The following SIPA1L1 variants were observed in gnomAD, a reference collection of about 807,000 sequenced individuals.
The protein encoded by SIPA1L1 is signal-induced proliferation-associated 1-like protein 1.
Under a neutral mutation model 162.7 loss-of-function variants are expected in SIPA1L1, and 26 were observed. That is an observed-to-expected ratio of 0.16 (90% CI 0.12 to 0.22). SIPA1L1 has a LOEUF of 0.22. Among genes scored for constraint, SIPA1L1 ranks in the 10% least tolerant of loss-of-function variants. SIPA1L1 has a pLI of 1.00. For missense variants in SIPA1L1, 1,874 were observed against 2,241.0 expected (o/e 0.84, Z 3.31); for synonymous variants, 829 against 837.4 (o/e 0.99, Z 0.17).
chr14:71,492,794 T>A (rs2143007929), intron 2 of SIPA1L1, among the ~76,000 whole-genome samples: 1 of 152,010 alleles, frequency 6.6e-6, no homozygotes, highest in East Asian at 1.9e-4. Context: ...CTAGATTTTT[T>A]TTTTTTTTTT....
At chr14:71,676,383 C>CCAAACTA (rs2045181851) in intron 12 of SIPA1L1, among the ~76,000 whole-genome samples, 1 of 151,698 alleles carries the variant, frequency 6.6e-6, no homozygotes, top group African/African-American at 2.4e-5. Context: ...TGAATCGTTT[C>CCAAACTA]CAAACTACAA....
chr14:71,386,357 T>C (rs1457079806), intron 2 of SIPA1L1, among the ~76,000 whole-genome samples: 1 of 152,178 alleles, frequency 6.6e-6, no homozygotes, highest in Non-Finnish European at 1.5e-5. Context: ...TGCCTGCTTT[T>C]ATTCTGGCTG....
At chr14:71,533,473 G>T (rs1391712252) in intron 4 of SIPA1L1, among the ~76,000 whole-genome samples, 1 of 152,218 alleles carries the variant, frequency 6.6e-6, no homozygotes, top group East Asian at 1.9e-4. Flanking sequence ...AACTTGTAAT[G>T]TGAGTTGGCT....
At chr14:71,622,524 G>A (rs559126999) in intron 6 of SIPA1L1, among the ~76,000 whole-genome samples, 37 of 152,296 alleles carry the variant, frequency 2.4e-4, no homozygotes, top group Non-Finnish European at 4.7e-4. Context: ...CCTAGCCTTT[G>A]TGGCTCCCTA....
intron 2 of SIPA1L1, among the ~76,000 whole-genome samples, chr14:71,341,727 TC>T (rs754149209): frequency 1.3e-5 from 2 of 152,180 alleles, no homozygotes; most frequent in Non-Finnish European, 2.9e-5. Context: ...AGCGTTTAGC[TC>T]CCAATTATAA....
chr14:71,676,495 C>CT (rs2045204345), intron 12 of SIPA1L1, among the ~76,000 whole-genome samples: 1 of 143,016 alleles, frequency 7.0e-6, no homozygotes, highest in Non-Finnish European at 1.5e-5. Flanking sequence ...AGTATATATA[C>CT]TTTAAGTTCT....
At chr14:71,416,546 A>G (rs1273352733) in intron 2 of SIPA1L1, among the ~76,000 whole-genome samples, 1 of 152,050 alleles carries the variant, frequency 6.6e-6, no homozygotes, top group African/African-American at 2.4e-5. Context: ...TTATACATCC[A>G]TTCTTACTCA....
chr14:71,687,834 C>CT lies in SIPA1L1; in HGVS notation c.3374+2204dup, dbSNP rs1555353458. Among the ~76,000 whole-genome samples the CT allele has an allele frequency of 3.9e-5, 6 of 152,262 alleles. No individual in the cohort carries two copies. In the East Asian group the frequency reaches 1.2e-3, roughly 29 times the overall value. On this transcript the variant is annotated intron_variant, in intron 13 of 23. Coordinates refer to ENST00000381232, the MANE Select transcript of SIPA1L1 (RefSeq NM_001386936.1). ...GACCATTAGAGTAGCTTGTGACTCT[C>CT]TAAGCTGCAGAGGTGAAAGGGCCAT...
chr14:71,339,388 A>G (rs1444874507), intron 2 of SIPA1L1, among the ~76,000 whole-genome samples: 1 of 149,472 alleles, frequency 6.7e-6, no homozygotes, highest in Non-Finnish European at 1.5e-5. Context: ...TTTGGGACAA[A>G]GTCTCGCTCT....
At chr14:71,455,369 G>A (rs192178493) in intron 2 of SIPA1L1, among the ~76,000 whole-genome samples, 21 of 152,188 alleles carry the variant, frequency 1.4e-4, no homozygotes, top group Middle Eastern at 3.4e-3. Context: ...ATTTGGACTA[G>A]GAGAAAGGAG....
At chr14:71,436,914 G>T (rs953018116) in intron 2 of SIPA1L1, among the ~76,000 whole-genome samples, 1 of 151,746 alleles carries the variant, frequency 6.6e-6, no homozygotes, top group African/African-American at 2.4e-5. Flanking sequence ...ACAGGTGCGT[G>T]CCACCATGCC....
chr14:71,349,359 C>T (rs925492231), intron 2 of SIPA1L1, among the ~76,000 whole-genome samples: 6 of 152,072 alleles, frequency 3.9e-5, no homozygotes, highest in African/African-American at 9.7e-5. Flanking sequence ...TAAGATGGGT[C>T]GGAGAATTCC....
At chr14:71,586,030 G>T (rs1230357262) in intron 4 of SIPA1L1, among the ~76,000 whole-genome samples, 1 of 152,212 alleles carries the variant, frequency 6.6e-6, no homozygotes, top group Non-Finnish European at 1.5e-5. Flanking sequence ...ATAGCAGTCT[G>T]ACAGTAGAAG....
rs1466708460 is a variant in SIPA1L1 at position 71,718,320 on chromosome 14, C to T, written c.4209-5327C>T. Among the ~76,000 whole-genome samples the T allele has an allele frequency of 5.9e-5, 9 of 152,350 alleles. No homozygotes were observed. The East Asian group carries it at 1.7e-3, about 29-fold the overall frequency. On this transcript the variant is annotated intron_variant, in intron 17 of 23. Coordinates refer to ENST00000381232, the MANE Select transcript of SIPA1L1 (RefSeq NM_001386936.1). Reference sequence around the variant, plus strand: ...CAGTGAATTGTTCATTTGTTTCTCTCATAACCTTTGTGCCTAAATCTAATC... The same window carrying T: ...CAGTGAATTGTTCATTTGTTTCTCTTATAACCTTTGTGCCTAAATCTAATC...
chr14:71,638,209 G>A (rs1053810509), intron 7 of SIPA1L1, among the ~76,000 whole-genome samples: 12 of 151,894 alleles, frequency 7.9e-5, no homozygotes, highest in Non-Finnish European at 1.6e-4. Flanking sequence ...ACTTTATGAA[G>A]CCCTAATACC....
chr14:71,592,380 A>G (rs2035518632), intron 5 of SIPA1L1, among the ~76,000 whole-genome samples: 1 of 152,216 alleles, frequency 6.6e-6, no homozygotes, highest in South Asian at 2.1e-4. Flanking sequence ...TATAAAACAT[A>G]TCTAAACAAA....
chr14:71,490,435 A>G (rs1466827194), intron 2 of SIPA1L1, among the ~76,000 whole-genome samples: 2 of 152,122 alleles, frequency 1.3e-5, no homozygotes, highest in Non-Finnish European at 2.9e-5. Context: ...CAGCAACACA[A>G]AATTATAAAT....
At chr14:71,708,954 A>G (rs2082672802) in intron 16 of SIPA1L1, among the ~76,000 whole-genome samples, 1 of 152,162 alleles carries the variant, frequency 6.6e-6, no homozygotes, top group Non-Finnish European at 1.5e-5. Flanking sequence ...CCTGACTAAA[A>G]TAATCTCAAT....
rs952575651 is a variant in SIPA1L1, at chr14:71,543,970, T to TAC, written c.-303+14607_-303+14608dup. Among the ~76,000 whole-genome samples, 8 of 150,322 alleles carry TAC rather than the reference T, an allele frequency of 5.3e-5. No individual in the cohort carries two copies. In the East Asian group the frequency reaches 5.8e-4, roughly 11 times the overall value. The stretch of plus-strand genomic sequence containing the variant: ...ACATATACGCACATGTATGTATATA[T>TAC]ACACACACGCACATGTATATATACA... On this transcript the variant is annotated intron_variant, in intron 4 of 23. Coordinates refer to ENST00000381232, the MANE Select transcript of SIPA1L1 (RefSeq NM_001386936.1).
Sources: allele counts gnomAD v4.1 joint callset (sites outside exome capture counted in the v4.1 genomes callset), GRCh38; gene constraint gnomAD v4.1.1; transcripts MANE v1.5; gene names NCBI Gene and HGNC (gene_info 2026-07-23, HGNC 2026-07-21).